The following KIFC3 variants were observed in gnomAD, a reference collection of about 807,000 sequenced individuals.
The protein encoded by KIFC3 is kinesin-like protein KIFC3.
KIFC3 carries 60 observed loss-of-function variants against 101.8 expected under a neutral mutation model. The observed-to-expected ratio is 0.59, with a 90% CI of 0.48 to 0.73. The LOEUF (loss-of-function observed/expected upper bound fraction) is 0.73, where lower values mean the gene tolerates loss of function less well. Ranked by LOEUF, KIFC3 falls within the 30% of genes least tolerant of loss-of-function variation. The probability of loss-of-function intolerance (pLI) is 0.00; values close to 1 mark genes in which losing one functional copy is unlikely to be tolerated. For missense variants in KIFC3, 966 were observed against 1,137.1 expected, an observed-to-expected ratio of 0.85 and a Z score of 2.16; for synonymous variants, 476 against 482.7, an observed-to-expected ratio of 0.99 and a Z score of 0.18.
chr16:57,835,976 A>G (rs193151603), intron 1 of KIFC3, among the ~76,000 whole-genome samples: 1 of 152,274 alleles, frequency 6.6e-6, no homozygotes, highest in East Asian at 1.9e-4. Context: ...CAAAAACTCC[A>G]TTCCAGCCTG....
intron 17 of KIFC3, 71 bp downstream of exon 17, chr16:57,760,211 C>T: frequency 7.1e-6 from 11 of 1,542,836 alleles, no homozygotes; most frequent in Non-Finnish European, 9.7e-6. Context: ...CCGCCCAGCT[C>T]CCTGCTCCTG....
intron 1 of KIFC3, among the ~76,000 whole-genome samples, chr16:57,842,054 G>C (rs974615053): frequency 6.6e-6 from 1 of 152,106 alleles, no homozygotes; most frequent in African/African-American, 2.4e-5. Context: ...TCCTTAGCCA[G>C]GCATGGTGAT....
chr16:57,759,173 C>A lies in KIFC3; in HGVS notation c.2477-20G>T. ...GTCAGGCTGAAATCAAAGTGACAGG[C>A]GTCTCACTGGTGGGCTTGCCTTGGG... is the stretch of plus-strand genomic sequence containing the variant. On this transcript the variant is annotated intron_variant, in intron 18 of 19. Transcript: ENST00000445690. The A allele has an allele frequency of 1.3e-6, 2 of 1,550,922 alleles. No individual in the cohort carries two copies. Among genetic ancestry groups the A allele is most frequent in the Non-Finnish European group, 1.7e-6 (2 of 1,146,968 alleles).
intron 1 of KIFC3, chr16:57,815,646 G>GT: frequency 1.6e-6 from 2 of 1,289,866 alleles, no homozygotes; most frequent in South Asian, 2.5e-5. Flanking sequence ...CTCCAAAAAC[G>GT]TAAGTGAAGT....
intron 3 of KIFC3, chr16:57,785,736 C>G: frequency 1.1e-6 from 1 of 941,894 alleles, no homozygotes; most frequent in South Asian, 1.8e-5. Context: ...GGGTCCATCA[C>G]AGCAAGACAG....
chr16:57,823,761 TTGTGTGTGTGTGTGTGTGTGTG>T lies in KIFC3; in HGVS notation c.109-25501_109-25480del, dbSNP rs542476459. Reference sequence around the variant, plus strand: ...GTGTGCACCACCACACCCGGCTACTTTGTGTGTGTGTGTGTGTGTGTGTGTGTGTGTGTGTGTGTGTGTTTTT... The same window carrying T: ...GTGTGCACCACCACACCCGGCTACTTTGTGTGTGTGTGTGTGTGTGTTTTT... On this transcript the variant is annotated intron_variant, in intron 1 of 2. Transcript: ENST00000563028. Among the ~76,000 whole-genome samples the T allele has an allele frequency of 8.8e-5, 12 of 136,714 alleles. No homozygotes were observed. In the East Asian group the frequency reaches 1.9e-3, roughly 22 times the overall value. 89.7% of individuals were successfully genotyped at this position (136,714 alleles called of 152,430 possible).
At chr16:57,832,289 G>T in intron 1 of KIFC3, among the ~76,000 whole-genome samples, 1 of 147,662 alleles carries the variant, frequency 6.8e-6, no homozygotes, top group South Asian at 2.2e-4. Context: ...CCAGAGTGCT[G>T]GGATTACAGC....
intron 13 of KIFC3, among the ~76,000 whole-genome samples, chr16:57,761,858 C>T (rs2049896457): frequency 6.6e-6 from 1 of 152,078 alleles, no homozygotes; most frequent in Admixed American, 6.5e-5. Context: ...CCATCCAACC[C>T]ACTGGGCTGA....
chr16:57,814,203 A>G (rs4257203), intron 1 of KIFC3, among the ~76,000 whole-genome samples: 147,003 of 152,138 alleles, frequency 0.97, 71,156 homozygotes, highest in African/African-American at 0.99. Context: ...CATATGCTCC[A>G]CCCACACCCC....
chr16:57,811,165 A>G (rs2055062935), intron 1 of KIFC3, among the ~76,000 whole-genome samples: 1 of 152,158 alleles, frequency 6.6e-6, no homozygotes, highest in South Asian at 2.1e-4. Context: ...TCTCCAAGGA[A>G]CTCCACTGAA....
At chr16:57,786,174 G>C (rs892011607) in intron 3 of KIFC3, among the ~76,000 whole-genome samples, 1 of 152,204 alleles carries the variant, frequency 6.6e-6, no homozygotes, top group African/African-American at 2.4e-5. Context: ...GTGTATGTGC[G>C]AGGGACAGAC....
chr16:57,798,384 G>A (rs189090322), intron 1 of KIFC3, 102 bp from the exon 2 acceptor site: 81 of 1,076,544 alleles, frequency 7.5e-5, no homozygotes, highest in Admixed American at 4.8e-4. Flanking sequence ...CCCACCGGTC[G>A]CTGGTTACCC....
At chr16:57,785,403 T>C in intron 3 of KIFC3, 1 of 1,063,076 alleles carries the variant, frequency 9.4e-7, no homozygotes, top group Non-Finnish European at 1.2e-6. Context: ...GCCCAGGTGA[T>C]GTCCTCTGAC....
Position 57,816,084 on chromosome 16 carries a change from GGA to G in KIFC3, c.109-17804_109-17803del, listed in dbSNP as rs1555628723. The G allele has an allele frequency of 5.5e-6, 4 of 724,800 alleles. No homozygotes were observed. The East Asian group carries it at 2.6e-4, about 48-fold the overall frequency. 44.9% of individuals were successfully genotyped at this position (724,800 alleles called of 1,614,324 possible). On this transcript the variant is annotated intron_variant, in intron 1 of 2. Transcript: ENST00000563028. ...GTGAGTGGCCATCCACGTACCCACA[GGA>G]AGGATGTGGTCAAATCCTCTTACCA... is the stretch of plus-strand genomic sequence containing the variant.
chr16:57,806,594 T>A (rs2054943173), upstream of KIFC3, among the ~76,000 whole-genome samples: 1 of 152,030 alleles, frequency 6.6e-6, no homozygotes, highest in African/African-American at 2.4e-5. Flanking sequence ...AATCCATAGA[T>A]CCCATAGAAT....
At chr16:57,855,695 C>T (rs1232773619) in intron 1 of KIFC3, among the ~76,000 whole-genome samples, 4 of 151,968 alleles carry the variant, frequency 2.6e-5, no homozygotes, top group Non-Finnish European at 1.5e-5. Context: ...CCCGTAATCT[C>T]AGCCCTGTGG....
At position 57,760,435 on chromosome 16, in the gene KIFC3, C is replaced by T; in HGVS notation, c.2233-19G>A. The T allele has an allele frequency of 6.2e-7, 1 of 1,608,112 alleles. No individual in the cohort carries two copies. Among genetic ancestry groups the T allele is most frequent in the Non-Finnish European group, 8.5e-7 (1 of 1,175,930 alleles). ...GGGACACCTAGGGGACACGAGAGCT[C>T]ACTGCCCACCCGGGCCAGCTGGAGG... On this transcript the variant is annotated intron_variant, in intron 16 of 19. Coordinates refer to ENST00000445690, the MANE Select transcript of KIFC3 (RefSeq NM_001130100.2).
rs200329609 is a variant in KIFC3, at chr16:57,758,870, C to A, written c.*64G>T. ...AGTGAGGGCCCAGCTTCAGGCCCAG[C>A]GGGGTCACATCCGTCACACAGGCAG... is the stretch of plus-strand genomic sequence containing the variant. On this transcript the variant is annotated 3_prime_UTR_variant, in exon 20 of 20. Coordinates refer to ENST00000445690, the MANE Select transcript of KIFC3 (RefSeq NM_001130100.2). 1 of 1,603,960 alleles carries A rather than the reference C, an allele frequency of 6.2e-7. No individual in the cohort carries two copies. The highest frequency in any genetic ancestry group is 8.5e-7 in the Non-Finnish European group (1 of 1,174,766).
intron 3 of KIFC3, among the ~76,000 whole-genome samples, chr16:57,782,940 C>G (rs532181303): frequency 1.3e-5 from 2 of 152,238 alleles, no homozygotes; most frequent in African/African-American, 4.8e-5. Context: ...GAGCGAAACT[C>G]CATCTCAAAA....
Sources: allele counts gnomAD v4.1 joint callset (sites outside exome capture counted in the v4.1 genomes callset), GRCh38; gene constraint gnomAD v4.1.1; transcripts MANE v1.5; gene names NCBI Gene and HGNC (gene_info 2026-07-23, HGNC 2026-07-21).